The following GRIN2A variants were observed in gnomAD, a reference collection of about 807,000 sequenced individuals.
GRIN2A encodes the protein glutamate receptor ionotropic, NMDA 2A.
In GRIN2A, 22 loss-of-function variants were observed where a neutral mutation model predicts 113.4. The observed-to-expected ratio is 0.19, with a 90% CI of 0.14 to 0.28. GRIN2A has a LOEUF of 0.28. Ranked by LOEUF, GRIN2A falls within the 10% of genes least tolerant of loss-of-function variation. GRIN2A has a pLI of 1.00. For missense variants in GRIN2A, 1,502 were observed against 1,887.0 expected (o/e 0.80, Z 3.78); for synonymous variants, 827 against 738.4 (o/e 1.12, Z -1.94).
chr16:10,149,137 G>T (rs1020123272), intron 2 of GRIN2A, among the ~76,000 whole-genome samples: 1 of 152,160 alleles, frequency 6.6e-6, no homozygotes, highest in Non-Finnish European at 1.5e-5. Flanking sequence ...TAGAAAGAAC[G>T]AATAAGATAT....
At chr16:9,972,962 C>G (rs1201575458) in intron 2 of GRIN2A, among the ~76,000 whole-genome samples, 1 of 152,162 alleles carries the variant, frequency 6.6e-6, no homozygotes, top group African/African-American at 2.4e-5. Flanking sequence ...GCCAGTGATT[C>G]AGGAGTTCTG....
intron 2 of GRIN2A, among the ~76,000 whole-genome samples, chr16:10,038,054 A>G (rs1229733049): frequency 6.6e-6 from 1 of 151,556 alleles, no homozygotes; most frequent in Non-Finnish European, 1.5e-5. Context: ...TGCTGTAACA[A>G]AACACATAAA....
In GRIN2A at chr16:9,831,656, C is replaced by T. The variant is rs1269933299; in HGVS notation, c.1778-2004G>A. 1.3e-5 allele frequency among the ~76,000 whole-genome samples: 2 copies of T among 152,052 alleles called. 1 individual carries two copies. Among genetic ancestry groups the T allele is most frequent in the East Asian group, 3.9e-4 (2 of 5,162 alleles). On this transcript the variant is annotated intron_variant, in intron 8 of 12. Transcript: ENST00000330684. ...TCAGCCTCCCGAACTGCTGGGACTA[C>T]AGGAGCATACCACCACGCCCAGCTA...
chr16:10,125,932 G>T (rs899336848), intron 2 of GRIN2A, among the ~76,000 whole-genome samples: 2 of 152,036 alleles, frequency 1.3e-5, no homozygotes, highest in South Asian at 2.1e-4. Context: ...ACTCACACCT[G>T]CAGGAAAACT....
At chr16:9,888,668 GA>G (rs1440929017) in intron 4 of GRIN2A, among the ~76,000 whole-genome samples, 2 of 151,612 alleles carry the variant, frequency 1.3e-5, no homozygotes, top group Non-Finnish European at 2.9e-5. Context: ...GTCTAACTTA[GA>G]ATAAGACAGA....
At chr16:10,175,185 G>C (rs2142370771) in intron 2 of GRIN2A, among the ~76,000 whole-genome samples, 1 of 152,354 alleles carries the variant, frequency 6.6e-6, no homozygotes, top group South Asian at 2.1e-4. Flanking sequence ...AGTGCACTCT[G>C]TGATGTTCAC....
intron 2 of GRIN2A, among the ~76,000 whole-genome samples, chr16:10,027,851 C>T (rs1324271691): frequency 6.6e-6 from 1 of 152,238 alleles, no homozygotes; most frequent in South Asian, 2.1e-4. Context: ...CCTCTCTCCT[C>T]CCTCGTCCAA....
At chr16:9,957,554 A>G (rs550738199) in intron 2 of GRIN2A, among the ~76,000 whole-genome samples, 1 of 152,302 alleles carries the variant, frequency 6.6e-6, no homozygotes, top group African/African-American at 2.4e-5. Context: ...CTCTGCATGC[A>G]CTGGGTGGCC....
chr16:10,136,745 T>C (rs1212522899), intron 2 of GRIN2A, among the ~76,000 whole-genome samples: 5 of 152,138 alleles, frequency 3.3e-5, no homozygotes, highest in African/African-American at 4.8e-5. Flanking sequence ...CAGCTACCAT[T>C]TATGGGGGAA....
chr16:9,827,198 A>C (rs2042402801), intron 9 of GRIN2A, among the ~76,000 whole-genome samples: 2 of 152,278 alleles, frequency 1.3e-5, no homozygotes, highest in African/African-American at 4.8e-5. Context: ...GGCTTTAAAA[A>C]CATTATACGG....
chr16:10,174,993 T>C (rs1458196222), intron 2 of GRIN2A, among the ~76,000 whole-genome samples: 2 of 152,240 alleles, frequency 1.3e-5, no homozygotes, highest in Non-Finnish European at 2.9e-5. Context: ...GTTTTTGCTG[T>C]ACCTTTTCTG....
At chr16:10,060,048 C>T (rs528141764) in intron 2 of GRIN2A, among the ~76,000 whole-genome samples, 2 of 152,072 alleles carry the variant, frequency 1.3e-5, no homozygotes, top group Admixed American at 6.5e-5. Flanking sequence ...GCAGGGACCA[C>T]CTGATAGGAA....
chr16:10,114,199 C>T (rs368938104), intron 2 of GRIN2A, among the ~76,000 whole-genome samples: 9 of 152,012 alleles, frequency 5.9e-5, no homozygotes, highest in African/African-American at 9.7e-5. Context: ...TCTAAAGACA[C>T]AAAAATAGAA....
intron 2 of GRIN2A, among the ~76,000 whole-genome samples, chr16:10,127,563 G>T (rs1211164350): frequency 1.3e-5 from 2 of 152,092 alleles, no homozygotes; most frequent in African/African-American, 4.8e-5. Context: ...CTAGCATCAT[G>T]GTATATTTAT....
chr16:10,148,196 G>A (rs1183849536), intron 2 of GRIN2A, among the ~76,000 whole-genome samples: 2 of 152,116 alleles, frequency 1.3e-5, no homozygotes, highest in African/African-American at 2.4e-5. Flanking sequence ...TGTACATAGA[G>A]TTTCATTATA....
At chr16:10,069,954 C>T (rs1801404751) in intron 2 of GRIN2A, among the ~76,000 whole-genome samples, 2 of 152,202 alleles carry the variant, frequency 1.3e-5, no homozygotes, top group Admixed American at 1.3e-4. Context: ...GGAAGACAAT[C>T]AAGAAATGCT....
chr16:10,039,808 G>GAGAGAGAGA (rs373952509), intron 2 of GRIN2A, among the ~76,000 whole-genome samples: 4,246 of 63,610 alleles, frequency 0.067, 373 homozygotes, highest in East Asian at 0.28. Context: ...GGGAGGGGGG[G>GAGAGAGAGA]GAGAAAGAGA....
chr16:10,106,187 G>GA (rs1241948022), intron 2 of GRIN2A, among the ~76,000 whole-genome samples: 2 of 139,338 alleles, frequency 1.4e-5, no homozygotes, highest in East Asian at 4.1e-4. Context: ...AAGTGAAAGA[G>GA]TTTTTTTTTT....
intron 2 of GRIN2A, among the ~76,000 whole-genome samples, chr16:10,115,231 T>G (rs373752188): frequency 6.6e-6 from 1 of 150,466 alleles, no homozygotes; most frequent in Non-Finnish European, 1.5e-5. Context: ...TGATCTAAGT[T>G]TTTTTTTTTC....
Sources: allele counts gnomAD v4.1 joint callset (sites outside exome capture counted in the v4.1 genomes callset), GRCh38; gene constraint gnomAD v4.1.1; transcripts MANE v1.5; gene names NCBI Gene and HGNC (gene_info 2026-07-23, HGNC 2026-07-21).